Variants in SLC13A2 observed in about 807,000 individuals in gnomAD.
The protein encoded by SLC13A2 is Na(+)-coupled citrate transporter.
Under a neutral mutation model 58.5 loss-of-function variants are expected in SLC13A2, and 40 were observed. That is an observed-to-expected ratio of 0.68 (90% CI 0.53 to 0.89). SLC13A2 has a LOEUF of 0.89. SLC13A2 is among the 40% of genes least tolerant of loss of function. The probability of loss-of-function intolerance (pLI) is 0.00; values close to 1 mark genes in which losing one functional copy is unlikely to be tolerated. For synonymous variants in SLC13A2, 341 were observed against 331.6 expected (o/e 1.03, Z -0.31); for missense variants, 694 against 772.6 (o/e 0.90, Z 1.21).
chr17:28,491,983 C>A, intron 6 of SLC13A2, 131 bp downstream of exon 6: 2 of 1,323,358 alleles, frequency 1.5e-6, no homozygotes, highest in Non-Finnish European at 2.0e-6. Flanking sequence ...CAAAGCCCCT[C>A]TGTGCACTTG....
At position 28,489,226 on chromosome 17, in the gene SLC13A2, G is replaced by A. The variant is rs569825143; in HGVS notation, c.115G>A (p.Ala39Thr). The A allele has an allele frequency of 2.2e-5, 36 of 1,613,714 alleles. No individual in the cohort carries two copies. Among genetic ancestry groups the A allele is most frequent in the South Asian group, 5.5e-5 (5 of 91,080 alleles). Residue 39 changes from alanine (A) to threonine (T), a missense_variant, in exon 2 of 12, where the codon GCG (alanine) becomes ACG (threonine). By Grantham distance (58) the Ala-to-Thr change is moderately conservative. Coordinates refer to ENST00000314669, the MANE Select transcript of SLC13A2 (RefSeq NM_003984.4). ...ILVPSKEAYC[A>T]YAIILMALFW... Reference sequence around the variant, plus strand: ...CTCCCACCTGCAGGAGGCCTACTGCGCGTATGCCATCATCCTCATGGCGCT... The same window carrying A: ...CTCCCACCTGCAGGAGGCCTACTGCACGTATGCCATCATCCTCATGGCGCT...
chr17:28,488,996 G>C (rs971519564), intron 1 of SLC13A2, among the ~76,000 whole-genome samples: 18 of 152,186 alleles, frequency 1.2e-4, no homozygotes, highest in African/African-American at 3.9e-4. Flanking sequence ...GTAATGTCTG[G>C]GCTCCCCAGG....
intron 1 of SLC13A2, among the ~76,000 whole-genome samples, chr17:28,483,491 G>C (rs1241640554): frequency 2.6e-5 from 4 of 152,072 alleles, no homozygotes; most frequent in African/African-American, 9.7e-5. Context: ...GTTTTAATTA[G>C]CTGGGTGTGG....
chr17:28,495,624 C>T (rs1389228958), intron 9 of SLC13A2, 31 bp from the exon 10 acceptor site: 7 of 1,596,244 alleles, frequency 4.4e-6, no homozygotes, highest in Admixed American at 1.7e-5. Context: ...GGCAGCCTTG[C>T]CTCTCACATG....
chr17:28,489,631 CTCATATACT>C (rs2068962283), intron 2 of SLC13A2, among the ~76,000 whole-genome samples: 1 of 152,222 alleles, frequency 6.6e-6, no homozygotes, highest in Non-Finnish European at 1.5e-5. Flanking sequence ...AGCTAACACA[CTCATATACT>C]TCTAGTTCAG....
chr17:28,477,410 G>T lies in SLC13A2; in HGVS notation c.102+3596G>T, dbSNP rs1034595067. Among the ~76,000 whole-genome samples the T allele has an allele frequency of 2.6e-5, 4 of 151,800 alleles. No homozygotes were observed. The East Asian group carries it at 6.1e-4, about 23-fold the overall frequency. ...GGGGTTTCACCGTGTTAGCCAGGAT[G>T]GTCTTGATCTCCTGACCTCGTGATC... On this transcript the variant is annotated intron_variant, in intron 1 of 11. Coordinates refer to ENST00000314669, the MANE Select transcript of SLC13A2 (RefSeq NM_003984.4).
Position 28,496,726 on chromosome 17 carries a change from G to A in SLC13A2, c.1608+139G>A. ...TCATCTGGAATGAAGGTGCAGTTGG[G>A]GAGGTTGGGACATGACCTCTCAGTG... is the stretch of plus-strand genomic sequence containing the variant. On this transcript the variant is annotated intron_variant, in intron 11 of 11. Coordinates refer to ENST00000314669, the MANE Select transcript of SLC13A2 (RefSeq NM_003984.4). This position sits in a 1 kb window ranked among gnomAD's most constrained non-coding sequence, Gnocchi z 4.2. The A allele has an allele frequency of 8.1e-7, 1 of 1,235,876 alleles. No homozygotes were observed. The highest frequency in any genetic ancestry group is 1.1e-6 in the Non-Finnish European group (1 of 904,994). The allele number at this position is 1,235,876 out of a possible 1,614,324, so 76.6% of individuals were successfully genotyped here. A position where few individuals can be genotyped will look rare whatever the true frequency, so the allele number is the denominator to read the frequency against.
chr17:28,496,246 G>A lies in SLC13A2; in HGVS notation c.1471-204G>A, dbSNP rs1230268639. 4.6e-5 allele frequency among the ~76,000 whole-genome samples: 7 copies of A among 152,146 alleles called. No homozygotes were observed. Among genetic ancestry groups the A allele is most frequent in the African/African-American group, 1.4e-4 (6 of 41,440 alleles). ...TCCCCTCACCACACCCCACAAGGCAGGGCAGCACACTCATTCCCTCCAGAG... is the reference window on the plus strand; with the variant it reads ...TCCCCTCACCACACCCCACAAGGCAAGGCAGCACACTCATTCCCTCCAGAG... On this transcript the variant is annotated intron_variant, in intron 10 of 11. Transcript: ENST00000314669. This position sits in a 1 kb window ranked among gnomAD's most constrained non-coding sequence, Gnocchi z 4.2.
At chr17:28,490,261 C>T in intron 2 of SLC13A2, 193 bp from the exon 3 acceptor site, 1 of 1,509,628 alleles carries the variant, frequency 6.6e-7, no homozygotes, top group Non-Finnish European at 8.9e-7. Flanking sequence ...GCAACAGAGC[C>T]AGACCCTGTC....
At chr17:28,485,681 C>T (rs1441486720) in intron 1 of SLC13A2, among the ~76,000 whole-genome samples, 2 of 152,126 alleles carry the variant, frequency 1.3e-5, no homozygotes, top group African/African-American at 2.4e-5. Flanking sequence ...CTGCCCTTTT[C>T]AGAAAATTAC....
chr17:28,491,885 T>A, intron 6 of SLC13A2, 33 bp downstream of exon 6: 38 of 1,607,426 alleles, frequency 2.4e-5, no homozygotes, highest in Non-Finnish European at 3.2e-5. Context: ...GAAGCCCAGG[T>A]CCCTGCCCTT....
intron 1 of SLC13A2, among the ~76,000 whole-genome samples, chr17:28,476,308 C>T (rs2068669724): frequency 6.6e-6 from 1 of 152,168 alleles, no homozygotes; most frequent in African/African-American, 2.4e-5. Context: ...GTGGCTCACA[C>T]CTATAATCCC....
chr17:28,482,699 T>C (rs2068805714), intron 1 of SLC13A2, among the ~76,000 whole-genome samples: 1 of 152,212 alleles, frequency 6.6e-6, no homozygotes, highest in Non-Finnish European at 1.5e-5. Context: ...CAAGGCTCTT[T>C]CCAAGAATGC....
In SLC13A2 at chr17:28,494,110, G is replaced by A; in HGVS notation, c.1186+5G>A. 6.2e-7 allele frequency: 1 copy of A among 1,612,938 alleles called. No individual in the cohort carries two copies. The highest frequency in any genetic ancestry group is 8.5e-7 in the Non-Finnish European group (1 of 1,178,872). On this transcript the variant is annotated splice_donor_5th_base_variant and intron_variant, in intron 8 of 11. Transcript: ENST00000314669. The surrounding 1 kb of genome is among the most constrained non-coding windows in gnomAD (Gnocchi z 4.0). ...CAGGGCTGACCCAGGACCCAGGTAA[G>A]CACCTGGACTGGGGCAGGGAAGGGT... is the stretch of plus-strand genomic sequence containing the variant.
rs781900962 is a variant in SLC13A2 at position 28,494,137 on chromosome 17, T to C, written c.1186+32T>C. On this transcript the variant is annotated intron_variant, in intron 8 of 11. Transcript: ENST00000314669. This position sits in a 1 kb window ranked among gnomAD's most constrained non-coding sequence, Gnocchi z 4.0. ...ACCTGGACTGGGGCAGGGAAGGGTC[T>C]CCGGGCAGCCCCTGCCTTCAAGTAT... 1 of 1,594,072 alleles carries C rather than the reference T, an allele frequency of 6.3e-7. No homozygotes were observed. The highest frequency in any genetic ancestry group is 8.6e-7 in the Non-Finnish European group (1 of 1,161,934).
At chr17:28,477,428 T>A (rs1488066124) in intron 1 of SLC13A2, among the ~76,000 whole-genome samples, 4 of 151,726 alleles carry the variant, frequency 2.6e-5, no homozygotes, top group Admixed American at 6.5e-5. Flanking sequence ...TCTCCTGACC[T>A]CGTGATCCGC....
rs184514671 is a variant in SLC13A2 at position 28,491,076 on chromosome 17, C to G, written c.574+170C>G. On this transcript the variant is annotated intron_variant, in intron 4 of 11. Coordinates refer to ENST00000314669, the MANE Select transcript of SLC13A2 (RefSeq NM_003984.4). ...TCCTTTTTTAAAAAATGTCAAGTAC[C>G]CTGTTTTGGGAATCCCCTCATCCCT... Among the ~76,000 whole-genome samples the G allele has an allele frequency of 4.6e-5, 7 of 152,258 alleles. No homozygotes were observed. In the East Asian group the frequency reaches 1.2e-3, roughly 25 times the overall value.
intron 1 of SLC13A2, among the ~76,000 whole-genome samples, chr17:28,478,571 C>A (rs1241000693): frequency 6.6e-6 from 1 of 152,094 alleles, no homozygotes; most frequent in Non-Finnish European, 1.5e-5. Flanking sequence ...GAGGCATCAG[C>A]AGAACAGGTG....
In SLC13A2 at chr17:28,497,517, C is replaced by T. The variant is rs978079705; in HGVS notation, c.*248C>T. Reference sequence around the variant, plus strand: ...CTGCATGGATGTGAGGGGTGTGTGACGTGAGGCTATCTGAGGGGGGCTGTG... The same window carrying T: ...CTGCATGGATGTGAGGGGTGTGTGATGTGAGGCTATCTGAGGGGGGCTGTG... On this transcript the variant is annotated 3_prime_UTR_variant, in exon 12 of 12. Coordinates refer to ENST00000314669, the MANE Select transcript of SLC13A2 (RefSeq NM_003984.4). 3.4e-5 allele frequency: 18 copies of T among 526,920 alleles called. No individual in the cohort carries two copies. Among genetic ancestry groups the T allele is most frequent in the Admixed American group, 6.4e-5 (2 of 31,150 alleles). The allele number at this position is 526,920 out of a possible 1,614,324, so 32.6% of individuals were successfully genotyped here.
Sources: gnomAD v4.1 joint callset for allele counts (sites outside exome capture counted in the v4.1 genomes callset) on GRCh38, gnomAD v4.1.1 for gene constraint, Gnocchi (gnomAD v3.1) non-coding constraint, MANE v1.5 for transcripts, NCBI Gene and HGNC (gene_info 2026-07-23, HGNC 2026-07-21) for gene names.